Variants in STX8 observed in about 807,000 individuals in gnomAD.
STX8 encodes syntaxin-8.
A neutral mutation model predicts 37.5 loss-of-function variants in STX8; 23 were observed. That is an observed-to-expected ratio of 0.61 (90% confidence interval 0.44 to 0.87). The LOEUF (loss-of-function observed/expected upper bound fraction) is 0.87, where lower values mean the gene tolerates loss of function less well. Among genes scored for constraint, STX8 ranks in the 40% least tolerant of loss-of-function variants. The pLI is 0.00. For synonymous variants in STX8, 115 were observed against 99.1 expected (o/e 1.16, Z -0.95); for missense variants, 313 against 284.7 (o/e 1.10, Z -0.71).
At chr17:9,309,485 T>C (rs1909116437) in intron 7 of STX8, among the ~76,000 whole-genome samples, 1 of 152,082 alleles carries the variant, frequency 6.6e-6, no homozygotes, top group Non-Finnish European at 1.5e-5. Context: ...GATAAGTAGA[T>C]TATTGGGGAA....
chr17:9,312,279 G>A (rs1182033970), intron 7 of STX8, among the ~76,000 whole-genome samples: 1 of 151,544 alleles, frequency 6.6e-6, no homozygotes, highest in Non-Finnish European at 1.5e-5. Context: ...TTGGCTCACC[G>A]CAACCTCCAC....
At chr17:9,524,092 G>C (rs1033915069) in intron 4 of STX8, among the ~76,000 whole-genome samples, 2 of 152,152 alleles carry the variant, frequency 1.3e-5, no homozygotes, top group South Asian at 2.1e-4. Flanking sequence ...AAGCTCCCTC[G>C]GGTAACTTTT....
intron 6 of STX8, among the ~76,000 whole-genome samples, chr17:9,384,794 TTGTG>T (rs59655296): frequency 4.3e-4 from 64 of 147,722 alleles, no homozygotes; most frequent in South Asian, 1.3e-3. Flanking sequence ...CCAGATAGAC[TTGTG>T]TGTGTGTGTG....
chr17:9,523,407 T>C (rs34707403), intron 4 of STX8, among the ~76,000 whole-genome samples: 68,377 of 136,178 alleles, frequency 0.5, 16,533 homozygotes, highest in Middle Eastern at 0.59. Context: ...CACACACACA[T>C]ATATATATTT....
intron 6 of STX8, among the ~76,000 whole-genome samples, chr17:9,444,554 T>C (rs1904773523): frequency 6.6e-6 from 1 of 152,242 alleles, no homozygotes; most frequent in African/African-American, 2.4e-5. Context: ...TAATTTCATC[T>C]TGAGCTTGGA....
intron 7 of STX8, among the ~76,000 whole-genome samples, chr17:9,260,151 C>CCT (rs1046842506): frequency 2.0e-5 from 3 of 151,960 alleles, no homozygotes; most frequent in African/African-American, 7.3e-5. Context: ...CGAGATCCCA[C>CCT]CTCTACAAAG....
rs926804266 is a variant in STX8 at position 9,326,387 on chromosome 17, G to A, written c.643+52165C>T. Among the ~76,000 whole-genome samples the A allele has an allele frequency of 3.9e-5, 6 of 152,126 alleles. No homozygotes were observed. In the South Asian group the frequency reaches 6.2e-4, roughly 16 times the overall value. On this transcript the variant is annotated intron_variant, in intron 7 of 7. Coordinates refer to ENST00000306357, the MANE Select transcript of STX8 (RefSeq NM_004853.3). ...TCTGCTTGCCTCAGCCTCCCAAAGC[G>A]CCAGGATGACAGGTGTGAGCCACTG...
chr17:9,311,360 A>C (rs1463632565), intron 7 of STX8, among the ~76,000 whole-genome samples: 1 of 152,184 alleles, frequency 6.6e-6, no homozygotes, highest in Non-Finnish European at 1.5e-5. Flanking sequence ...AACAGAATTG[A>C]GATTCAAATG....
intron 4 of STX8, among the ~76,000 whole-genome samples, chr17:9,514,413 C>T (rs1177400898): frequency 2.6e-5 from 4 of 151,910 alleles, no homozygotes; most frequent in Admixed American, 1.3e-4. Flanking sequence ...CAGACCAGCC[C>T]GGCCAACATG....
At chr17:9,373,645 T>C (rs1911485148) in intron 7 of STX8, among the ~76,000 whole-genome samples, 1 of 152,166 alleles carries the variant, frequency 6.6e-6, no homozygotes, top group Middle Eastern at 3.4e-3. Context: ...CAGTTTGGGA[T>C]GTTAAAAAAA....
At chr17:9,325,969 C>T (rs867190670) in intron 7 of STX8, among the ~76,000 whole-genome samples, 36 of 152,168 alleles carry the variant, frequency 2.4e-4, no homozygotes, top group African/African-American at 7.7e-4. Context: ...TGGCAGCCCC[C>T]AGCTATGGTC....
At chr17:9,329,716 T>C (rs1909901677) in intron 7 of STX8, among the ~76,000 whole-genome samples, 1 of 152,144 alleles carries the variant, frequency 6.6e-6, no homozygotes, top group Non-Finnish European at 1.5e-5. Flanking sequence ...GGCAAAGTAA[T>C]GCCAAAGTGA....
chr17:9,568,458 G>C lies in STX8; in HGVS notation c.30C>G (p.Tyr10Ter). 1.2e-6 allele frequency: 2 copies of C among 1,612,308 alleles called. No homozygotes were observed. Among genetic ancestry groups the C allele is most frequent in the Middle Eastern group, 2.0e-4 (1 of 5,070 alleles). ...CTTGGGCAATTTGACAAGTAGAATC[G>C]TATGTGGAGAACCTGCACCAAAGTC... MAPDPWFST[Y>*]DSTCQIAQEI... The change falls in exon 2 of 8, where the codon TAC (tyrosine) becomes TAG (stop). Residue 10 changes from tyrosine (Y) to a stop codon, truncating the protein, a stop_gained. Coordinates refer to ENST00000306357, the MANE Select transcript of STX8 (RefSeq NM_004853.3). LOFTEE classifies it high-confidence loss of function.
At chr17:9,414,853 C>A (rs1273544696) in intron 6 of STX8, among the ~76,000 whole-genome samples, 2 of 144,118 alleles carry the variant, frequency 1.4e-5, no homozygotes, top group Non-Finnish European at 3.0e-5. Context: ...TGCAGTGGCA[C>A]CATCTTGGCT....
intron 6 of STX8, among the ~76,000 whole-genome samples, chr17:9,379,244 C>CAAAAAAAAA (rs34928127): frequency 1.3e-5 from 1 of 76,678 alleles, no homozygotes. Context: ...GACTCCATCT[C>CAAAAAAAAA]AAAAAAAAAA....
intron 2 of STX8, among the ~76,000 whole-genome samples, chr17:9,565,820 A>G (rs572301012): frequency 3.0e-4 from 45 of 152,166 alleles, no homozygotes; most frequent in Non-Finnish European, 5.6e-4. Flanking sequence ...CAGATGGATT[A>G]AAGACTTAAC....
intron 4 of STX8, among the ~76,000 whole-genome samples, chr17:9,506,995 C>G (rs1451412483): frequency 6.6e-6 from 1 of 151,932 alleles, no homozygotes; most frequent in Non-Finnish European, 1.5e-5. Context: ...TGACTCTGGT[C>G]CTGCAATGAA....
At chr17:9,294,544 G>C (rs1908443414) in intron 7 of STX8, among the ~76,000 whole-genome samples, 1 of 152,222 alleles carries the variant, frequency 6.6e-6, no homozygotes, top group African/African-American at 2.4e-5. Flanking sequence ...ACAAGGAGCA[G>C]ACAGGAATCA....
At chr17:9,563,829 G>T (rs1907349836) in intron 2 of STX8, among the ~76,000 whole-genome samples, 1 of 152,006 alleles carries the variant, frequency 6.6e-6, no homozygotes, top group Non-Finnish European at 1.5e-5. Flanking sequence ...ATCAATTATT[G>T]CAAAAGTCCT....
Sources: allele counts gnomAD v4.1 joint callset (sites outside exome capture counted in the v4.1 genomes callset), GRCh38; gene constraint gnomAD v4.1.1; transcripts MANE v1.5; gene names NCBI Gene and HGNC (gene_info 2026-07-23, HGNC 2026-07-21).